Variants in RCSD1 observed in about 807,000 individuals in gnomAD.
RCSD1 encodes RCSD domain containing 1.
In RCSD1, 26 loss-of-function variants were observed where a neutral mutation model predicts 42.5. The ratio of observed to expected loss-of-function variants is 0.61; its 90% CI spans 0.45 to 0.85. The LOEUF (loss-of-function observed/expected upper bound fraction) is 0.85. Ranked by LOEUF, RCSD1 falls within the 40% of genes least tolerant of loss-of-function variation. The pLI is 0.00. For synonymous variants in RCSD1, 220 were observed against 212.2 expected (o/e 1.04, Z -0.32); for missense variants, 571 against 528.3 (o/e 1.08, Z -0.79).
At chr1:167,633,210 T>G (rs1353451367) in intron 1 of RCSD1, among the ~76,000 whole-genome samples, 2 of 152,220 alleles carry the variant, frequency 1.3e-5, no homozygotes, top group East Asian at 3.8e-4. Flanking sequence ...AAAGTATAGA[T>G]GCCATCTGAT....
intron 6 of RCSD1, among the ~76,000 whole-genome samples, chr1:167,702,488 G>C (rs541699512): frequency 6.6e-6 from 1 of 152,272 alleles, no homozygotes; most frequent in Non-Finnish European, 1.5e-5. Flanking sequence ...AATAAATTTA[G>C]CAAGTGTTAT....
At chr1:167,673,057 G>T (rs983419292) in intron 1 of RCSD1, among the ~76,000 whole-genome samples, 1 of 152,178 alleles carries the variant, frequency 6.6e-6, no homozygotes, top group Non-Finnish European at 1.5e-5. Context: ...ACTCAGGAAA[G>T]AGGCAGATCC....
At chr1:167,688,013 A>T (rs1211047825) in intron 3 of RCSD1, among the ~76,000 whole-genome samples, 2 of 152,244 alleles carry the variant, frequency 1.3e-5, no homozygotes. Flanking sequence ...ATACATATAC[A>T]GGGATGGAAG....
intron 1 of RCSD1, among the ~76,000 whole-genome samples, chr1:167,668,780 G>C (rs1426330965): frequency 1.3e-5 from 2 of 152,022 alleles, no homozygotes. Context: ...CTGCCTGAAT[G>C]GGGGAAGGTG....
intron 1 of RCSD1, among the ~76,000 whole-genome samples, chr1:167,674,834 A>G (rs1658900018): frequency 6.6e-6 from 1 of 152,180 alleles, no homozygotes; most frequent in South Asian, 2.1e-4. Context: ...AAAATATTCC[A>G]CTGTATGGCT....
At chr1:167,638,301 A>G (rs1395265271) in intron 1 of RCSD1, 1 of 152,214 alleles carries the variant, frequency 6.6e-6, no homozygotes, top group East Asian at 1.9e-4. Context: ...CATGGTAATT[A>G]CTACCACTTG....
intron 4 of RCSD1, among the ~76,000 whole-genome samples, chr1:167,691,512 C>T (rs1404255236): frequency 6.6e-6 from 1 of 152,200 alleles, no homozygotes; most frequent in Admixed American, 6.5e-5. Context: ...GTTCTCACCC[C>T]ACCCTCTGTC....
intron 2 of RCSD1, 87 bp from the exon 3 acceptor site, chr1:167,685,334 C>T: frequency 9.7e-7 from 1 of 1,028,736 alleles, no homozygotes; most frequent in Non-Finnish European, 1.4e-6. Context: ...CTTCCTGAAA[C>T]CAGTTTCCAT....
intron 1 of RCSD1, among the ~76,000 whole-genome samples, chr1:167,643,816 G>A (rs1658064094): frequency 6.6e-6 from 1 of 152,222 alleles, no homozygotes; most frequent in South Asian, 2.1e-4. Flanking sequence ...CATATTAGGT[G>A]TGATGTAATT....
intron 1 of RCSD1, among the ~76,000 whole-genome samples, chr1:167,682,330 C>A (rs562747479): frequency 2.0e-5 from 3 of 152,064 alleles, no homozygotes; most frequent in Admixed American, 6.5e-5. Context: ...CCACCACACC[C>A]GGCTAATTTT....
chr1:167,673,503 T>C (rs910193568), intron 1 of RCSD1, among the ~76,000 whole-genome samples: 6 of 152,194 alleles, frequency 3.9e-5, no homozygotes, highest in African/African-American at 1.4e-4. Context: ...ACAGTGAGTG[T>C]TGGCTATGAT....
At chr1:167,652,011 T>C (rs1658322009) in intron 1 of RCSD1, among the ~76,000 whole-genome samples, 1 of 139,570 alleles carries the variant, frequency 7.2e-6, no homozygotes, top group African/African-American at 2.7e-5. Context: ...CTCCTGCCTC[T>C]GTTCATCTTT....
rs1227344365 is a variant in RCSD1, at chr1:167,697,806, T to A, written c.1182T>A (p.Ser394Arg). 3.4e-6 allele frequency: 5 copies of A among 1,476,928 alleles called. No homozygotes were observed. Among genetic ancestry groups the A allele is most frequent in the African/African-American group, 1.4e-5 (1 of 70,726 alleles). The allele number at this position is 1,476,928 out of a possible 1,614,324, so 91.5% of individuals were successfully genotyped here. A position where few individuals can be genotyped will look rare whatever the true frequency, so the allele number is the denominator to read the frequency against. The change falls in exon 6 of 7, where the codon AGT becomes AGA. Residue 394 changes from serine to arginine, a missense_variant. Coordinates refer to ENST00000367854, the MANE Select transcript of RCSD1 (RefSeq NM_052862.4). ...GCCCTGCCCAGCTGGAGACCAGCAG[T>A]GAGGTCCAGAGCGAGCCAGCAGTCC... is the stretch of plus-strand genomic sequence containing the variant. ...QTGPAQLETS[S>R]EVQSEPAVPK...
Position 167,668,816 on chromosome 1 carries a change from G to A in RCSD1, c.7-15084G>A, listed in dbSNP as rs146529653. On this transcript the variant is annotated intron_variant, in intron 1 of 6. Coordinates refer to ENST00000367854, the MANE Select transcript of RCSD1 (RefSeq NM_052862.4). ...CATGGTGGGGAAGGGGAGCTTCACA[G>A]GGGGTTTTCTGGAAGTGCCCAGGGT... is the stretch of plus-strand genomic sequence containing the variant. Among the ~76,000 whole-genome samples the A allele has an allele frequency of 7.2e-3, 1,101 of 152,164 alleles. 13 individuals are homozygous for A. The highest frequency in any genetic ancestry group is 0.015 in the South Asian group (73 of 4,822).
Position 167,675,817 on chromosome 1 carries a change from A to G in RCSD1, c.7-8083A>G, listed in dbSNP as rs538195699. The stretch of plus-strand genomic sequence containing the variant: ...ATAGCCCACCAAAATCGCTGAGTCC[A>G]GATGGTCCATTCTTGAGCAAAGAAT... On this transcript the variant is annotated intron_variant, in intron 1 of 6. Transcript: ENST00000367854. Among the ~76,000 whole-genome samples the G allele has an allele frequency of 5.9e-5, 9 of 152,342 alleles. No individual in the cohort carries two copies. The South Asian group carries it at 1.9e-3, about 32-fold the overall frequency.
chr1:167,659,932 C>T (rs1037359675), intron 1 of RCSD1, among the ~76,000 whole-genome samples: 5 of 152,242 alleles, frequency 3.3e-5, no homozygotes, highest in East Asian at 1.9e-4. Flanking sequence ...GGACATTGAA[C>T]GCTCTCTCCA....
At position 167,681,890 on chromosome 1, in the gene RCSD1, G is replaced by A. The variant is rs139097658; in HGVS notation, c.7-2010G>A. Among the ~76,000 whole-genome samples, 44 of 152,298 alleles carry A rather than the reference G, an allele frequency of 2.9e-4. No individual in the cohort carries two copies. In the East Asian group the frequency reaches 6.4e-3, roughly 22 times the overall value. On this transcript the variant is annotated intron_variant, in intron 1 of 6. Transcript: ENST00000367854. ...TATGTGGCAAGTGTGAGGGTAAAAC[G>A]TGTCAAGTCTAGGAGCCCCTCCCAG...
intron 1 of RCSD1, among the ~76,000 whole-genome samples, chr1:167,645,855 A>G (rs1408757677): frequency 6.6e-6 from 1 of 152,158 alleles, no homozygotes; most frequent in African/African-American, 2.4e-5. Context: ...GGGAGACAGC[A>G]CTGATGCTGC....
At chr1:167,700,369 C>G (rs1001210284) in intron 6 of RCSD1, among the ~76,000 whole-genome samples, 5 of 152,162 alleles carry the variant, frequency 3.3e-5, no homozygotes, top group Non-Finnish European at 7.3e-5. Flanking sequence ...CATTCCAGTG[C>G]CAGGCGTGGT....
Sources: allele counts gnomAD v4.1 joint callset (sites outside exome capture counted in the v4.1 genomes callset), GRCh38; gene constraint gnomAD v4.1.1; transcripts MANE v1.5; gene names NCBI Gene and HGNC (gene_info 2026-07-23, HGNC 2026-07-21).